Variants in PLEKHD1 observed in about 807,000 individuals in gnomAD.
PLEKHD1 encodes pleckstrin homology domain-containing family D member 1.
PLEKHD1 carries 51 observed loss-of-function variants against 69.2 expected under a neutral mutation model. The observed-to-expected ratio is 0.74, with a 90% CI of 0.59 to 0.93. The LOEUF (loss-of-function observed/expected upper bound fraction) is 0.93, where lower values mean the gene tolerates loss of function less well. Among genes scored for constraint, PLEKHD1 ranks in the 40% least tolerant of loss-of-function variants. PLEKHD1 has a pLI of 0.00. For synonymous variants in PLEKHD1, 236 were observed against 244.7 expected, an observed-to-expected ratio of 0.96 and a Z score of 0.33; for missense variants, 584 against 641.0, an observed-to-expected ratio of 0.91 and a Z score of 0.96.
At chr14:69,476,434 A>T in the PLEKHD1 span, among the ~76,000 whole-genome samples, 1 of 151,826 alleles carries the variant, frequency 6.6e-6, no homozygotes, top group East Asian at 1.9e-4. Flanking sequence ...ACGTTTTGGC[A>T]TGTACCTGTA....
chr14:69,506,993 C>T (rs1398176168), intron 6 of PLEKHD1, among the ~76,000 whole-genome samples: 4 of 149,608 alleles, frequency 2.7e-5, no homozygotes, highest in South Asian at 2.1e-4. Flanking sequence ...ACCTCTGCCT[C>T]CTGGGTTCAA....
At chr14:69,472,848 A>C in the PLEKHD1 span, among the ~76,000 whole-genome samples, 15 of 152,216 alleles carry the variant, frequency 9.9e-5, no homozygotes, top group Admixed American at 3.3e-4. Flanking sequence ...CGGGCCACAC[A>C]GCAGGAGGTG....
intron 7 of PLEKHD1, among the ~76,000 whole-genome samples, chr14:69,523,474 C>T (rs1329018327): frequency 1.3e-5 from 2 of 152,114 alleles, no homozygotes; most frequent in African/African-American, 2.4e-5. Flanking sequence ...AGTAAATAGC[C>T]AAGCACCTAC....
rs369000653 is a variant in PLEKHD1, at chr14:69,500,436, C to T, written c.244-141C>T. 4.1e-4 allele frequency: 293 copies of T among 723,164 alleles called. 1 individual carries two copies. The African/African-American group carries it at 4.6e-3, about 11-fold the overall frequency. The allele number at this position is 723,164 out of a possible 1,614,324, so 44.8% of individuals were successfully genotyped here. A position where few individuals can be genotyped will look rare whatever the true frequency, so the allele number is the denominator to read the frequency against. On this transcript the variant is annotated intron_variant, in intron 2 of 12. Coordinates refer to ENST00000322564, the MANE Select transcript of PLEKHD1 (RefSeq NM_001161498.2). ...TTCCTCTTCTCTCTGAACATCAGTT[C>T]TGGCCTCTGTCCCATGGCCCCAGGG...
intron 5 of PLEKHD1, chr14:69,502,533 G>A (rs1327450435): frequency 4.6e-6 from 2 of 434,034 alleles, no homozygotes; most frequent in Non-Finnish European, 8.6e-6. Flanking sequence ...TGGAAGGTGG[G>A]TGTGGGACTA....
chr14:69,481,761 T>C (rs1010006083), upstream of PLEKHD1, among the ~76,000 whole-genome samples: 7 of 152,234 alleles, frequency 4.6e-5, no homozygotes, highest in Non-Finnish European at 7.3e-5. Context: ...TTGTAAATAA[T>C]GTATTAGAAC....
the PLEKHD1 span, among the ~76,000 whole-genome samples, chr14:69,469,903 G>A: frequency 2.0e-4 from 31 of 151,664 alleles, no homozygotes; most frequent in Non-Finnish European, 4.1e-4. Context: ...TGTATTTTTA[G>A]TAGAGACGGG....
chr14:69,516,732 C>T (rs1212968910), intron 6 of PLEKHD1, among the ~76,000 whole-genome samples: 4 of 151,980 alleles, frequency 2.6e-5, no homozygotes, highest in African/African-American at 4.8e-5. Context: ...TGCAATGACA[C>T]GATCTCAGCT....
upstream of PLEKHD1, among the ~76,000 whole-genome samples, chr14:69,483,717 G>C (rs1882589168): frequency 6.6e-6 from 1 of 152,264 alleles, no homozygotes; most frequent in Non-Finnish European, 1.5e-5. Flanking sequence ...TTCCAGAGGC[G>C]TCCTTGGCTC....
At chr14:69,515,421 G>A (rs887744388) in intron 6 of PLEKHD1, among the ~76,000 whole-genome samples, 1 of 152,116 alleles carries the variant, frequency 6.6e-6, no homozygotes, top group Non-Finnish European at 1.5e-5. Flanking sequence ...CCCCAGTACT[G>A]GTTCCCATGG....
At chr14:69,513,448 G>T (rs561023378) in intron 6 of PLEKHD1, among the ~76,000 whole-genome samples, 3 of 152,256 alleles carry the variant, frequency 2.0e-5, no homozygotes, top group Admixed American at 1.3e-4. Context: ...ATTGGTTACA[G>T]CTTGGTGTTT....
intron 6 of PLEKHD1, among the ~76,000 whole-genome samples, chr14:69,516,366 G>A (rs1351704512): frequency 6.6e-6 from 1 of 151,842 alleles, no homozygotes. Context: ...TTTCATTTTA[G>A]CCTTTTTTTC....
upstream of PLEKHD1, among the ~76,000 whole-genome samples, chr14:69,483,257 C>A (rs922034360): frequency 6.6e-6 from 1 of 151,610 alleles, no homozygotes; most frequent in African/African-American, 2.4e-5. Flanking sequence ...GGGAAGAGTA[C>A]CAGGGTGATG....
intron 6 of PLEKHD1, among the ~76,000 whole-genome samples, chr14:69,515,342 C>G (rs188286873): frequency 5.9e-5 from 9 of 152,228 alleles, no homozygotes; most frequent in South Asian, 2.1e-4. Context: ...TAAGATTGGC[C>G]CCCCCTGGAG....
rs1883755317 is a variant in PLEKHD1, at chr14:69,529,931, TC to T, written c.*1515del. 1 of 152,264 alleles carries T rather than the reference TC, an allele frequency of 6.6e-6. No individual in the cohort carries two copies. Among genetic ancestry groups the T allele is most frequent in the Non-Finnish European group, 1.5e-5 (1 of 68,112 alleles). The allele number at this position is 152,264 out of a possible 1,614,324, so 9.4% of individuals were successfully genotyped here. A position where few individuals can be genotyped will look rare whatever the true frequency, so the allele number is the denominator to read the frequency against. ...GGACAGACAGACTGCCCAGACCCTC[TC>T]CCTGCAGGCCCACCCTCCAAAGCTA... On this transcript the variant is annotated 3_prime_UTR_variant, in exon 13 of 13. Transcript: ENST00000322564.
intron 5 of PLEKHD1, chr14:69,502,485 A>C: frequency 3.2e-6 from 1 of 316,282 alleles, no homozygotes; most frequent in Non-Finnish European, 6.0e-6. Flanking sequence ...AGAACTTCCT[A>C]GGTTCTGCCC....
intron 1 of PLEKHD1, among the ~76,000 whole-genome samples, chr14:69,495,656 C>G (rs1882872553): frequency 6.6e-6 from 1 of 152,238 alleles, no homozygotes; most frequent in Non-Finnish European, 1.5e-5. Context: ...CCTATGCAAT[C>G]TGGCCCAACT....
At chr14:69,488,080 C>G (rs942357988) in intron 1 of PLEKHD1, among the ~76,000 whole-genome samples, 1 of 152,162 alleles carries the variant, frequency 6.6e-6, no homozygotes, top group Non-Finnish European at 1.5e-5. Context: ...GGGCCTGAAC[C>G]GAGCTCCGCA....
chr14:69,479,699 G>A (rs569089958), upstream of PLEKHD1, among the ~76,000 whole-genome samples: 1 of 152,226 alleles, frequency 6.6e-6, no homozygotes, highest in African/African-American at 2.4e-5. Context: ...AGAGTGGAAG[G>A]AGGAGTTCCT....
Sources: allele counts gnomAD v4.1 joint callset (sites outside exome capture counted in the v4.1 genomes callset), GRCh38; gene constraint gnomAD v4.1.1; transcripts MANE v1.5; gene names NCBI Gene and HGNC (gene_info 2026-07-23, HGNC 2026-07-21).